The following CDH13 variants were observed in gnomAD, a reference collection of about 807,000 sequenced individuals.
The protein encoded by CDH13 is cadherin 13, also known as cadherin-13.
CDH13 carries 24 observed loss-of-function variants against 63.8 expected under a neutral mutation model. The ratio of observed to expected loss-of-function variants is 0.38; its 90% CI spans 0.27 to 0.53. The LOEUF is 0.53. CDH13 is among the 20% of genes least tolerant of loss of function. The probability of loss-of-function intolerance (pLI) is 0.85; values close to 1 mark genes in which losing one functional copy is unlikely to be tolerated. For synonymous variants in CDH13, 503 were observed against 355.3 expected (o/e 1.42, Z -4.67); for missense variants, 1,049 against 903.1 (o/e 1.16, Z -2.07).
rs954993224 is a variant in CDH13, at chr16:83,008,822, C to G, written c.158-23188C>G. On this transcript the variant is annotated intron_variant, in intron 2 of 13. Coordinates refer to ENST00000567109, the MANE Select transcript of CDH13 (RefSeq NM_001257.5). Reference sequence around the variant, plus strand: ...CTGACACTGCTAATAAAGACATGCCCAAGACTGAGTAATTTATGGAAGAAA... The same window carrying G: ...CTGACACTGCTAATAAAGACATGCCGAAGACTGAGTAATTTATGGAAGAAA... 5.9e-5 allele frequency among the ~76,000 whole-genome samples: 9 copies of G among 152,108 alleles called. 1 individual carries two copies. Among genetic ancestry groups the G allele is most frequent in the Admixed American group, 5.2e-4 (8 of 15,278 alleles).
intron 7 of CDH13, among the ~76,000 whole-genome samples, chr16:83,562,409 G>GA (rs368960822): frequency 2.5e-4 from 38 of 152,192 alleles, no homozygotes; most frequent in African/African-American, 8.4e-4. Flanking sequence ...AACCCACAGT[G>GA]AACAAGAGGC....
intron 5 of CDH13, among the ~76,000 whole-genome samples, chr16:83,243,804 G>A (rs1265868508): frequency 6.6e-6 from 1 of 152,160 alleles, no homozygotes; most frequent in Non-Finnish European, 1.5e-5. Context: ...TAGTAAATGA[G>A]ATCTTAGCCT....
At chr16:83,658,700 A>T (rs1360537891) in intron 8 of CDH13, among the ~76,000 whole-genome samples, 1 of 133,080 alleles carries the variant, frequency 7.5e-6, no homozygotes, top group Non-Finnish European at 1.6e-5. Context: ...ACCAGGTCCC[A>T]TATCCTCACC....
chr16:83,353,652 G>C (rs912115862), intron 6 of CDH13, among the ~76,000 whole-genome samples: 1 of 152,228 alleles, frequency 6.6e-6, no homozygotes, highest in Non-Finnish European at 1.5e-5. Flanking sequence ...CTGGAGATCA[G>C]CTCAAGAGAT....
At position 83,516,634 on chromosome 16, in the gene CDH13, T is replaced by C. The variant is rs191756696; in HGVS notation, c.960+29979T>C. On this transcript the variant is annotated intron_variant, in intron 7 of 13. Transcript: ENST00000567109. The stretch of plus-strand genomic sequence containing the variant: ...AGGAGAATGGCTGTCTGAATTGTTC[T>C]CCCTCTTATTTATAAAGGCAATGAT... 2.3e-3 allele frequency among the ~76,000 whole-genome samples: 350 copies of C among 152,330 alleles called. 1 individual carries two copies. The highest frequency in any genetic ancestry group is 7.7e-3 in the South Asian group (37 of 4,822).
chr16:82,774,385 C>A (rs1428104984), intron 1 of CDH13, among the ~76,000 whole-genome samples: 1 of 151,156 alleles, frequency 6.6e-6, no homozygotes, highest in South Asian at 2.1e-4. Context: ...TGGATACTTA[C>A]ACTAGCTATC....
intron 7 of CDH13, among the ~76,000 whole-genome samples, chr16:83,506,646 C>T (rs1007422021): frequency 3.3e-5 from 5 of 152,324 alleles, no homozygotes; most frequent in African/African-American, 1.2e-4. Flanking sequence ...CCTCCCACAT[C>T]GAATAGGAAT....
At chr16:83,127,410 C>A (rs574279747) in intron 4 of CDH13, among the ~76,000 whole-genome samples, 3 of 152,158 alleles carry the variant, frequency 2.0e-5, no homozygotes, top group Non-Finnish European at 1.5e-5. Context: ...TGGTGGTGAT[C>A]TGAACAAAGG....
chr16:82,842,149 T>TACACATAC (rs1336608956), intron 1 of CDH13, among the ~76,000 whole-genome samples: 2 of 37,614 alleles, frequency 5.3e-5, no homozygotes, highest in African/African-American at 1.5e-4. Flanking sequence ...CACATATATA[T>TACACATAC]ATATATATAT....
At chr16:83,246,001 A>C (rs911787464) in intron 5 of CDH13, among the ~76,000 whole-genome samples, 1 of 152,176 alleles carries the variant, frequency 6.6e-6, no homozygotes, top group Non-Finnish European at 1.5e-5. Flanking sequence ...CCTCCCAAAG[A>C]GCTGGGATTG....
intron 7 of CDH13, among the ~76,000 whole-genome samples, chr16:83,582,214 C>A (rs77281131): frequency 6.6e-6 from 1 of 152,110 alleles, no homozygotes; most frequent in African/African-American, 2.4e-5. Flanking sequence ...TTCTGCAGGG[C>A]AATGCTGGGC....
chr16:82,757,648 T>G (rs1194709528), intron 1 of CDH13, among the ~76,000 whole-genome samples: 1 of 122,530 alleles, frequency 8.2e-6, no homozygotes, highest in Admixed American at 7.5e-5. Flanking sequence ...TTTTTTTTTG[T>G]TTTTTTTTTT....
intron 4 of CDH13, among the ~76,000 whole-genome samples, chr16:83,202,236 C>T (rs1348776994): frequency 3.9e-5 from 6 of 152,228 alleles, no homozygotes; most frequent in African/African-American, 1.2e-4. Flanking sequence ...AAGGGCAGCC[C>T]GGGACTGACA....
intron 7 of CDH13, among the ~76,000 whole-genome samples, chr16:83,599,928 C>CCAATTTA (rs1907621206): frequency 6.6e-6 from 1 of 152,210 alleles, no homozygotes; most frequent in South Asian, 2.1e-4. Flanking sequence ...TTAAAGGTAG[C>CCAATTTA]CAATTTACTG....
chr16:82,636,971 A>G (rs1305093936), intron 1 of CDH13, among the ~76,000 whole-genome samples: 2 of 152,212 alleles, frequency 1.3e-5, no homozygotes, highest in East Asian at 3.9e-4. Context: ...TATGACCTTC[A>G]GCAAGCAGCT....
chr16:83,413,103 A>G (rs2092151404), intron 6 of CDH13, among the ~76,000 whole-genome samples: 1 of 152,160 alleles, frequency 6.6e-6, no homozygotes, highest in Non-Finnish European at 1.5e-5. Context: ...TGGTAATGCC[A>G]TTTCACAGTC....
At chr16:83,718,524 T>C (rs1352381975) in intron 10 of CDH13, among the ~76,000 whole-genome samples, 1 of 152,148 alleles carries the variant, frequency 6.6e-6, no homozygotes, top group African/African-American at 2.4e-5. Flanking sequence ...TCATGAAGAT[T>C]CCTGGAAAAA....
intron 1 of CDH13, among the ~76,000 whole-genome samples, chr16:82,826,925 A>G (rs1336927256): frequency 6.6e-6 from 1 of 152,208 alleles, no homozygotes; most frequent in African/African-American, 2.4e-5. Flanking sequence ...CTCTCAGGGG[A>G]CTTGGGAAAG....
intron 10 of CDH13, among the ~76,000 whole-genome samples, chr16:83,698,792 G>A (rs920545087): frequency 1.3e-5 from 2 of 152,226 alleles, no homozygotes; most frequent in Non-Finnish European, 2.9e-5. Flanking sequence ...AGGGCCAGAT[G>A]ATAAACAATA....
Sources: gnomAD v4.1 joint callset for allele counts (sites outside exome capture counted in the v4.1 genomes callset) on GRCh38, gnomAD v4.1.1 for gene constraint, MANE v1.5 for transcripts, NCBI Gene and HGNC (gene_info 2026-07-23, HGNC 2026-07-21) for gene names.